TET2: variants seen among roughly 807,000 people sequenced by gnomAD.
The protein encoded by TET2 is methylcytosine dioxygenase TET2.
Under a neutral mutation model 142.9 loss-of-function variants are expected in TET2, and 299 were observed. That is an observed-to-expected ratio of 2.09 (90% CI 1.90 to 2.30). The LOEUF is 2.30. Among genes scored for constraint, TET2 ranks in the 30% most tolerant of loss-of-function variants. The pLI is 0.00. For missense variants in TET2, 2,418 were observed against 2,378.0 expected (o/e 1.02, Z -0.35); for synonymous variants, 819 against 849.0 (o/e 0.96, Z 0.61).
chr4:105,258,050 T>C (rs1730228567), intron 6 of TET2, among the ~76,000 whole-genome samples: 1 of 152,148 alleles, frequency 6.6e-6, no homozygotes, highest in South Asian at 2.1e-4. Flanking sequence ...CTTTTCATAA[T>C]AAATGTGGGC....
intron 1 of TET2, among the ~76,000 whole-genome samples, chr4:105,185,340 A>G (rs1386966048): frequency 6.6e-6 from 1 of 152,244 alleles, no homozygotes; most frequent in African/African-American, 2.4e-5. Flanking sequence ...CCTGCCACCC[A>G]CAAAGGGTGT....
chr4:105,212,285 A>G (rs192082564), intron 2 of TET2, among the ~76,000 whole-genome samples: 141 of 152,294 alleles, frequency 9.3e-4, no homozygotes, highest in African/African-American at 3.2e-3. Flanking sequence ...ATGATCTATA[A>G]AGATTACTCA....
At chr4:105,214,940 C>T (rs1727405577) in intron 2 of TET2, among the ~76,000 whole-genome samples, 1 of 152,128 alleles carries the variant, frequency 6.6e-6, no homozygotes, top group East Asian at 1.9e-4. Context: ...AACCCCAACT[C>T]GAAGCTGGTT....
intron 10 of TET2, among the ~76,000 whole-genome samples, chr4:105,274,485 T>C (rs1266100859): frequency 3.3e-5 from 5 of 152,356 alleles, no homozygotes; most frequent in Non-Finnish European, 5.9e-5. Flanking sequence ...ATAAATCTTA[T>C]TTTAATTATT....
At chr4:105,199,882 T>C (rs1726341814) in intron 2 of TET2, among the ~76,000 whole-genome samples, 2 of 152,334 alleles carry the variant, frequency 1.3e-5, no homozygotes, top group South Asian at 2.1e-4. Context: ...TATTCTCTTA[T>C]ATGGCTGCAT....
chr4:105,259,848 A>G (rs760320080), intron 7 of TET2, 79 bp downstream of exon 7: 1 of 1,359,862 alleles, frequency 7.4e-7, no homozygotes, highest in Non-Finnish European at 9.8e-7. Context: ...ACAATATGAC[A>G]TATCTTGGTA....
At chr4:105,186,687 G>A (rs1725477601) in intron 1 of TET2, among the ~76,000 whole-genome samples, 1 of 151,884 alleles carries the variant, frequency 6.6e-6, no homozygotes, top group African/African-American at 2.4e-5. Context: ...GTCTAGGCAG[G>A]TCTCAAACTC....
At chr4:105,261,649 A>G in intron 7 of TET2, 110 bp from the exon 8 acceptor site, 1 of 585,058 alleles carries the variant, frequency 1.7e-6, no homozygotes, top group Non-Finnish European at 3.0e-6. Context: ...AAGGCACCAT[A>G]TATTGTGTTT....
At chr4:105,252,996 C>G (rs1165923440) in intron 6 of TET2, among the ~76,000 whole-genome samples, 1 of 152,046 alleles carries the variant, frequency 6.6e-6, no homozygotes, top group East Asian at 1.9e-4. Flanking sequence ...ATATATTTGT[C>G]TAGACTTTCA....
chr4:105,203,598 G>T (rs1178616330), intron 2 of TET2, among the ~76,000 whole-genome samples: 1 of 151,440 alleles, frequency 6.6e-6, no homozygotes, highest in African/African-American at 2.4e-5. Context: ...GCCTGGCTTT[G>T]TATACAATAC....
chr4:105,269,709 C>A lies in TET2; in HGVS notation c.4144C>A (p.His1382Asn), dbSNP rs1446837215. The A allele has an allele frequency of 2.6e-6, 4 of 1,551,482 alleles. No individual in the cohort carries two copies. Among genetic ancestry groups the A allele is most frequent in the Non-Finnish European group, 3.5e-6 (4 of 1,146,940 alleles). The change falls in exon 9 of 11, where the codon CAC becomes AAC. Residue 1382 changes from histidine (H) to asparagine (N), a missense_variant. Transcript: ENST00000380013. ...TACLDFCAHA[H>N]RDLHNMQNGS... ...ATGTTTGGACTTCTGTGCTCATGCC[C>A]ACAGAGACTTGCACAACATGCAGAA...
intron 2 of TET2, among the ~76,000 whole-genome samples, chr4:105,209,797 T>C (rs979933392): frequency 7.9e-5 from 12 of 151,944 alleles, no homozygotes; most frequent in Admixed American, 3.9e-4. Flanking sequence ...GATAAGTAAG[T>C]GTGGAAGAGA....
chr4:105,234,004 C>T lies in TET2; in HGVS notation c.62C>T (p.Ser21Leu). 6.2e-7 allele frequency: 1 copy of T among 1,614,102 alleles called. No individual in the cohort carries two copies. The highest frequency in any genetic ancestry group is 8.5e-7 in the Non-Finnish European group (1 of 1,180,012). The change falls in exon 3 of 11, where the codon TCA (serine) becomes TTA (leucine). Residue 21 changes from serine (S) to leucine (L), a missense_variant. By Grantham distance (145) the Ser-to-Leu change is moderately radical. Coordinates refer to ENST00000380013, the MANE Select transcript of TET2 (RefSeq NM_001127208.3). ...GNRLSPFLIP[S>L]PPICQTEPLA... is the part of the protein sequence containing the mutation. ...AGACTAAGTCCATTCCTGATACCATCACCTCCCATTTGCCAGACAGAACCT... is the reference window on the plus strand; with the variant it reads ...AGACTAAGTCCATTCCTGATACCATTACCTCCCATTTGCCAGACAGAACCT...
intron 6 of TET2, among the ~76,000 whole-genome samples, chr4:105,253,008 C>T (rs960244992): frequency 7.9e-5 from 12 of 152,080 alleles, no homozygotes; most frequent in African/African-American, 2.4e-4. Flanking sequence ...AGACTTTCAC[C>T]AATACCACAC....
Position 105,275,740 on chromosome 4 carries a change from C to T in TET2, c.5230C>T (p.Leu1744=). The change falls in exon 11 of 11, where the codon CTG becomes TTG. Residue 1744 remains leucine, a synonymous_variant. Coordinates refer to ENST00000380013, the MANE Select transcript of TET2 (RefSeq NM_001127208.3). ...AGCCACCTCTAGATTACCACCCAAT[C>T]TGAGCAATCCAAACATGGACTATAA... ...MGATSRLPPN[L]SNPNMDYKNG... 1 of 1,551,784 alleles carries T rather than the reference C, an allele frequency of 6.4e-7. No individual in the cohort carries two copies. Among genetic ancestry groups the T allele is most frequent in the Non-Finnish European group, 8.7e-7 (1 of 1,146,990 alleles).
Position 105,272,910 on chromosome 4 carries a change from A to C in TET2, c.4529A>C (p.Gln1510Pro). 1 of 1,524,888 alleles carries C rather than the reference A, an allele frequency of 6.6e-7. No homozygotes were observed. The highest frequency in any genetic ancestry group is 8.8e-7 in the Non-Finnish European group (1 of 1,136,472). 94.5% of individuals were successfully genotyped at this position (1,524,888 alleles called of 1,614,324 possible). ...KQTENASQAK[Q>P]LAELLRLSGP... ...ACTGAAAACGCAAGCCAGGCTAAAC[A>C]GTTGGCAGGTAAATTTAATGTAAAG... is the stretch of plus-strand genomic sequence containing the variant. Residue 1510 changes from glutamine (Q) to proline (P), a missense_variant, in exon 10 of 11, where the codon CAG becomes CCG. Physicochemically the swap from Gln to Pro is moderately conservative, Grantham distance 76. Transcript: ENST00000380013.
chr4:105,163,856 T>TGA (rs1290755148), intron 1 of TET2, among the ~76,000 whole-genome samples: 30 of 118,842 alleles, frequency 2.5e-4, no homozygotes, highest in African/African-American at 9.0e-4. Flanking sequence ...AGAGAGAGAG[T>TGA]GTGTGTGTGT....
chr4:105,260,838 T>C (rs1197325100), intron 7 of TET2, among the ~76,000 whole-genome samples: 1 of 152,164 alleles, frequency 6.6e-6, no homozygotes, highest in Non-Finnish European at 1.5e-5. Context: ...TATTAATAAC[T>C]TAATGAAAAG....
Position 105,254,885 on chromosome 4 carries a change from G to A in TET2, c.3804-4734G>A, listed in dbSNP as rs200042690. Among the ~76,000 whole-genome samples, 4 of 152,282 alleles carry A rather than the reference G, an allele frequency of 2.6e-5. No individual in the cohort carries two copies. The East Asian group carries it at 7.7e-4, about 29-fold the overall frequency. ...AACTGTGAGGAACCTATTATGACTG[G>A]ATGCCTTTGGAGTTGTTCACACTGA... On this transcript the variant is annotated intron_variant, in intron 6 of 10. Transcript: ENST00000380013.
Sources: gnomAD v4.1 joint callset for allele counts (sites outside exome capture counted in the v4.1 genomes callset) on GRCh38, gnomAD v4.1.1 for gene constraint, MANE v1.5 for transcripts, NCBI Gene and HGNC (gene_info 2026-07-23, HGNC 2026-07-21) for gene names.